The following CDK1 variants were observed in gnomAD, a reference collection of about 807,000 sequenced individuals.
The protein encoded by CDK1 is cyclin-dependent kinase 1.
A neutral mutation model predicts 34.6 loss-of-function variants in CDK1; 5 were observed. The observed-to-expected ratio is 0.14, with a 90% CI of 0.08 to 0.30. The LOEUF is 0.30. Ranked by LOEUF, CDK1 falls within the 10% of genes least tolerant of loss-of-function variation. CDK1 has a pLI of 1.00. For missense variants in CDK1, 157 were observed against 345.7 expected (o/e 0.45, Z 4.33); for synonymous variants, 108 against 114.7 (o/e 0.94, Z 0.37).
chr10:60,779,463 A>T (rs2080253480), intron 1 of CDK1, among the ~76,000 whole-genome samples: 1 of 152,074 alleles, frequency 6.6e-6, no homozygotes, highest in African/African-American at 2.4e-5. Context: ...TTAGGTTATA[A>T]TTAGAATTTT....
intron 4 of CDK1, chr10:60,786,367 A>G (rs2080316165): frequency 3.8e-6 from 3 of 791,866 alleles, no homozygotes; most frequent in Non-Finnish European, 4.6e-6. Context: ...TTATTTGCAT[A>G]TGTATATATA....
At chr10:60,785,200 G>A (rs1166668911) in intron 3 of CDK1, among the ~76,000 whole-genome samples, 1 of 152,164 alleles carries the variant, frequency 6.6e-6, no homozygotes, top group Non-Finnish European at 1.5e-5. Context: ...AGAGTCTTAA[G>A]AAAAGTAGCT....
At chr10:60,785,077 T>C (rs1188880893) in intron 3 of CDK1, among the ~76,000 whole-genome samples, 1 of 152,180 alleles carries the variant, frequency 6.6e-6, no homozygotes, top group African/African-American at 2.4e-5. Context: ...TGTAGATTAA[T>C]ATTTGGGCCT....
intron 4 of CDK1, chr10:60,786,262 A>C (rs762165642): frequency 2.8e-5 from 27 of 978,358 alleles, no homozygotes; most frequent in Non-Finnish European, 3.3e-5. Flanking sequence ...ACCACTCTGC[A>C]GAGGTAGCGC....
Position 60,788,224 on chromosome 10 carries a change from A to T in CDK1, c.483A>T (p.Thr161=). ...RAFGIPIRVY[T]HEVVTLWYRS... is the part of the protein sequence containing the mutation. ...TTGGAATACCTATCAGAGTATATAC[A>T]CATGAGGCAAGTGGAATAGTGGTTT... The change falls in exon 5 of 8, where the codon ACA becomes ACT. Residue 161 remains threonine, a synonymous_variant. Coordinates refer to ENST00000395284, the MANE Select transcript of CDK1 (RefSeq NM_001786.5). 1 of 1,588,894 alleles carries T rather than the reference A, an allele frequency of 6.3e-7. No homozygotes were observed. The highest frequency in any genetic ancestry group is 1.2e-5 in the South Asian group (1 of 86,006).
intron 5 of CDK1, among the ~76,000 whole-genome samples, chr10:60,790,229 C>G (rs187418184): frequency 6.6e-6 from 1 of 151,912 alleles, no homozygotes; most frequent in South Asian, 2.1e-4. Context: ...CTTTTTAGTT[C>G]GATATAATCC....
In CDK1 at chr10:60,793,874, C is replaced by A; in HGVS notation, c.796-3C>A. 1 of 1,476,880 alleles carries A rather than the reference C, an allele frequency of 6.8e-7. No homozygotes were observed. The highest frequency in any genetic ancestry group is 9.2e-7 in the Non-Finnish European group (1 of 1,082,856). The allele number at this position is 1,476,880 out of a possible 1,614,324, so 91.5% of individuals were successfully genotyped here. A position where few individuals can be genotyped will look rare whatever the true frequency, so the allele number is the denominator to read the frequency against. Reference sequence around the variant, plus strand: ...AAATATCTCTTTTTCTTTTTTCTCCCAGAAAATGTTAATCTATGATCCAGC... The same window carrying A: ...AAATATCTCTTTTTCTTTTTTCTCCAAGAAAATGTTAATCTATGATCCAGC... On this transcript the variant is annotated splice_region_variant and splice_polypyrimidine_tract_variant and intron_variant, in intron 7 of 7. Coordinates refer to ENST00000395284, the MANE Select transcript of CDK1 (RefSeq NM_001786.5).
intron 2 of CDK1, 119 bp from the exon 3 acceptor site, chr10:60,784,586 A>G: frequency 1.3e-6 from 1 of 757,218 alleles, no homozygotes; most frequent in East Asian, 2.6e-5. Flanking sequence ...GCCTTGATTG[A>G]CCCACTGCAC....
intron 4 of CDK1, chr10:60,786,054 T>C (rs1589112044): frequency 9.4e-7 from 1 of 1,067,778 alleles, no homozygotes; most frequent in East Asian, 6.3e-5. Context: ...TGGTCTTTCT[T>C]TGGCTGTCAG....
intron 5 of CDK1, among the ~76,000 whole-genome samples, chr10:60,789,117 G>A (rs1000911693): frequency 3.3e-5 from 5 of 151,838 alleles, no homozygotes; most frequent in African/African-American, 7.3e-5. Flanking sequence ...ATTTTTTATC[G>A]ACGCATTATT....
chr10:60,784,814 T>C lies in CDK1; in HGVS notation c.147T>C (p.Ile49=). 6.2e-7 allele frequency: 1 copy of C among 1,613,610 alleles called. No homozygotes were observed. Among genetic ancestry groups the C allele is most frequent in the Non-Finnish European group, 8.5e-7 (1 of 1,179,626 alleles). ...AGGAAGGGGTTCCTAGTACTGCAAT[T>C]CGGGAAATTTCTCTATTAAAGGAAC... ...SEEEGVPSTA[I]REISLLKELR... is the part of the protein sequence containing the mutation. Residue 49 remains isoleucine (I), a synonymous_variant, in exon 3 of 8, where the codon ATT becomes ATC. Coordinates refer to ENST00000395284, the MANE Select transcript of CDK1 (RefSeq NM_001786.5).
At chr10:60,786,647 TA>T (rs1298982955) in intron 4 of CDK1, 1 of 172,452 alleles carries the variant, frequency 5.8e-6, no homozygotes, top group African/African-American at 2.4e-5. Context: ...GGTTGCCCCC[TA>T]AAAAACTTGT....
At chr10:60,791,745 T>A (rs541005130) in intron 5 of CDK1, 145 bp from the exon 6 acceptor site, 3 of 487,166 alleles carry the variant, frequency 6.2e-6, no homozygotes, top group African/African-American at 6.0e-5. Flanking sequence ...ATCTTCAATT[T>A]TGTGTACCTT....
chr10:60,778,912 C>G (rs1004589564), intron 1 of CDK1, among the ~76,000 whole-genome samples: 2 of 152,158 alleles, frequency 1.3e-5, no homozygotes, highest in Non-Finnish European at 2.9e-5. Context: ...CGCTCCCCCA[C>G]GCTGAGCGCC....
At position 60,788,131 on chromosome 10, in the gene CDK1, A is replaced by G. The variant is rs2080331354; in HGVS notation, c.390A>G (p.Lys130=). ...HSRRVLHRDL[K]PQNLLIDDKG... is the part of the protein sequence containing the mutation. ...GAAGAGTTCTTCACAGAGACTTAAA[A>G]CCTCAAAATCTCTTGATTGATGACA... The change falls in exon 5 of 8, where the codon AAA becomes AAG. Residue 130 remains lysine, a synonymous_variant. Coordinates refer to ENST00000395284, the MANE Select transcript of CDK1 (RefSeq NM_001786.5). The G allele has an allele frequency of 1.9e-6, 3 of 1,609,474 alleles. No homozygotes were observed. In the Admixed American group the frequency reaches 5.0e-5, roughly 27 times the overall value.
At chr10:60,781,407 G>A (rs1443687966) in intron 2 of CDK1, among the ~76,000 whole-genome samples, 1 of 152,086 alleles carries the variant, frequency 6.6e-6, no homozygotes, top group East Asian at 1.9e-4. Flanking sequence ...TTCTAGCAGT[G>A]TGACAGTGGT....
chr10:60,784,947 A>G (rs60202499), intron 3 of CDK1, 86 bp downstream of exon 3: 16,971 of 1,299,532 alleles, frequency 0.013, 126 homozygotes, highest in African/African-American at 0.029. Context: ...CATTTGCTCA[A>G]TTTCTTGGTC....
chr10:60,780,455 T>A (rs3213029), intron 2 of CDK1, among the ~76,000 whole-genome samples: 1 of 152,160 alleles, frequency 6.6e-6, no homozygotes, highest in African/African-American at 2.4e-5. Context: ...TAAACACTTA[T>A]AGTAGTACTT....
intron 2 of CDK1, among the ~76,000 whole-genome samples, chr10:60,782,446 A>C (rs914236527): frequency 2.6e-5 from 4 of 152,138 alleles, no homozygotes; most frequent in African/African-American, 7.2e-5. Context: ...CAGAAATCTG[A>C]GTGTTGTGAT....
Sources: allele counts gnomAD v4.1 joint callset (sites outside exome capture counted in the v4.1 genomes callset), GRCh38; gene constraint gnomAD v4.1.1; transcripts MANE v1.5; gene names NCBI Gene and HGNC (gene_info 2026-07-23, HGNC 2026-07-21).